ADAM23: variants seen among roughly 807,000 people sequenced by gnomAD.
ADAM23 encodes disintegrin and metalloproteinase domain-containing protein 23.
A neutral mutation model predicts 120.1 loss-of-function variants in ADAM23; 33 were observed. The ratio of observed to expected loss-of-function variants is 0.27; its 90% confidence interval spans 0.21 to 0.37. ADAM23 has a LOEUF of 0.37. Among genes scored for constraint, ADAM23 ranks in the 10% least tolerant of loss-of-function variants. ADAM23 has a pLI of 1.00. For synonymous variants in ADAM23, 367 were observed against 375.2 expected (o/e 0.98, Z 0.25); for missense variants, 862 against 1,058.2 (o/e 0.81, Z 2.57).
At chr2:206,444,748 G>A (rs1485724868) in intron 1 of ADAM23, among the ~76,000 whole-genome samples, 1 of 152,198 alleles carries the variant, frequency 6.6e-6, no homozygotes. Context: ...ATCCCTACAT[G>A]GCAAAGTATG....
intron 25 of ADAM23, 65 bp from the exon 26 acceptor site, chr2:206,617,514 A>G (rs1698956708): frequency 4.6e-6 from 7 of 1,509,026 alleles, no homozygotes; most frequent in Non-Finnish European, 6.3e-6. Context: ...TTCTGTCATC[A>G]TCATCTGATT....
intron 3 of ADAM23, among the ~76,000 whole-genome samples, chr2:206,515,399 T>G (rs1260642791): frequency 6.6e-6 from 1 of 152,124 alleles, no homozygotes; most frequent in African/African-American, 2.4e-5. Context: ...GAAACCAGCT[T>G]TGTTGTGGTG....
At chr2:206,567,462 A>G (rs1333305804) in intron 15 of ADAM23, 140 bp downstream of exon 15, 1 of 583,764 alleles carries the variant, frequency 1.7e-6, no homozygotes, top group Non-Finnish European at 2.8e-6. Context: ...AAAAGTCCTT[A>G]TCATGTTAAA....
chr2:206,546,912 A>G (rs531872903), intron 6 of ADAM23, among the ~76,000 whole-genome samples: 1 of 152,210 alleles, frequency 6.6e-6, no homozygotes, highest in African/African-American at 2.4e-5. Flanking sequence ...CAAAAAATGT[A>G]AATGTTTTCA....
At chr2:206,473,066 GT>G (rs368639380) in intron 2 of ADAM23, among the ~76,000 whole-genome samples, 41 of 152,192 alleles carry the variant, frequency 2.7e-4, no homozygotes, top group South Asian at 2.1e-4. Context: ...GGGCATGTAT[GT>G]TTCCCCCCTA....
chr2:206,485,015 A>G (rs1471873379), intron 3 of ADAM23, among the ~76,000 whole-genome samples: 2 of 152,198 alleles, frequency 1.3e-5, no homozygotes, highest in East Asian at 1.9e-4. Context: ...ATATGGAACT[A>G]TGAGTCCATT....
At chr2:206,467,465 C>A (rs961682778) in intron 2 of ADAM23, among the ~76,000 whole-genome samples, 1 of 152,204 alleles carries the variant, frequency 6.6e-6, no homozygotes, top group Non-Finnish European at 1.5e-5. Flanking sequence ...CTTAAAGTTA[C>A]AAAATAATCT....
chr2:206,532,470 A>T (rs1233000251), intron 4 of ADAM23, among the ~76,000 whole-genome samples: 2 of 152,200 alleles, frequency 1.3e-5, no homozygotes, highest in Non-Finnish European at 2.9e-5. Context: ...CAACTCTAGC[A>T]AAAGAAATTG....
At chr2:206,473,110 A>G (rs950102666) in intron 2 of ADAM23, among the ~76,000 whole-genome samples, 1 of 152,126 alleles carries the variant, frequency 6.6e-6, no homozygotes, top group Non-Finnish European at 1.5e-5. Flanking sequence ...TTATTTTATG[A>G]TAAACTGTCA....
At position 206,484,493 on chromosome 2, in the gene ADAM23, A is replaced by C. The variant is rs573618823; in HGVS notation, c.509+3185A>C. Among the ~76,000 whole-genome samples the C allele has an allele frequency of 2.6e-5, 4 of 152,318 alleles. 1 individual carries two copies. The South Asian group carries it at 8.3e-4, about 32-fold the overall frequency. On this transcript the variant is annotated intron_variant, in intron 3 of 25. Transcript: ENST00000264377. ...ACTGCAGAGTGTGAATGAAGGAGGC[A>C]GACTGTAGTGTGGACCCAGGGCTCA...
chr2:206,444,048 G>T lies in ADAM23; in HGVS notation c.182G>T (p.Arg61Leu). The change falls in exon 1 of 26, where the codon CGG becomes CTG. Residue 61 changes from arginine to leucine, a missense_variant. Arg to Leu is a moderately radical substitution (Grantham distance 102, BLOSUM62 -2). Transcript: ENST00000264377. ...LLLPPLAASS[R>L]PRAWGAAAPS... Reference sequence around the variant, plus strand: ...CTGCCTCCGCTCGCCGCCTCGTCCCGGCCCCGCGCCTGGGGGGCTGCTGCG... The same window carrying T: ...CTGCCTCCGCTCGCCGCCTCGTCCCTGCCCCGCGCCTGGGGGGCTGCTGCG... 1 of 1,400,216 alleles carries T rather than the reference G, an allele frequency of 7.1e-7. No homozygotes were observed. Among genetic ancestry groups the T allele is most frequent in the Non-Finnish European group, 9.3e-7 (1 of 1,074,006 alleles). 86.7% of individuals were successfully genotyped at this position (1,400,216 alleles called of 1,614,324 possible). A position where few individuals can be genotyped will look rare whatever the true frequency, so the allele number is the denominator to read the frequency against.
rs1698962788 is a variant in ADAM23 at position 206,617,769 on chromosome 2, G to A, written c.*142G>A. ...ACGGAGCTAAAGTTGGGGTGACAAGGATGGGGTAAAAGAAAACTGTCTCTT... is the reference window on the plus strand; with the variant it reads ...ACGGAGCTAAAGTTGGGGTGACAAGAATGGGGTAAAAGAAAACTGTCTCTT... On this transcript the variant is annotated 3_prime_UTR_variant, in exon 26 of 26. Transcript: ENST00000264377. 2 of 1,473,092 alleles carry A rather than the reference G, an allele frequency of 1.4e-6. No homozygotes were observed. Among genetic ancestry groups the A allele is most frequent in the Non-Finnish European group, 1.8e-6 (2 of 1,110,092 alleles). The allele number at this position is 1,473,092 out of a possible 1,614,324, so 91.3% of individuals were successfully genotyped here. A position where few individuals can be genotyped will look rare whatever the true frequency, so the allele number is the denominator to read the frequency against.
chr2:206,557,755 G>A (rs1697675752), intron 10 of ADAM23, among the ~76,000 whole-genome samples: 1 of 152,090 alleles, frequency 6.6e-6, no homozygotes, highest in East Asian at 1.9e-4. Flanking sequence ...CCCAGTCTGT[G>A]GAGGACAAAA....
intron 12 of ADAM23, among the ~76,000 whole-genome samples, chr2:206,561,986 G>C (rs1697777435): frequency 6.6e-6 from 1 of 152,158 alleles, no homozygotes; most frequent in South Asian, 2.1e-4. Flanking sequence ...TTCAATGTGA[G>C]AGCTTCAAAT....
intron 15 of ADAM23, among the ~76,000 whole-genome samples, chr2:206,569,005 T>C (rs898965296): frequency 6.6e-6 from 1 of 152,332 alleles, no homozygotes. Flanking sequence ...TTGCCTGCCT[T>C]TCATAACGTT....
At chr2:206,445,200 A>C (rs2105844690) in intron 1 of ADAM23, 107 bp from the exon 2 acceptor site, 1 of 799,838 alleles carries the variant, frequency 1.3e-6, no homozygotes, top group East Asian at 2.7e-5. Context: ...TTTGTGTTTG[A>C]AATTAAAGGA....
rs1426757486 is a variant in ADAM23, at chr2:206,589,522, G to GT, written c.1958+9dup. The GT allele has an allele frequency of 6.2e-7, 1 of 1,611,750 alleles. No homozygotes were observed. Among genetic ancestry groups the GT allele is most frequent in the African/African-American group, 1.3e-5 (1 of 74,900 alleles). On this transcript the variant is annotated intron_variant, in intron 21 of 25. Transcript: ENST00000264377. ...GATTCAGTGCAGCAAACAGTGAGTG[G>GT]TCAGCTCTAAGGGCATAGTCACTGG...
intron 2 of ADAM23, among the ~76,000 whole-genome samples, chr2:206,461,019 C>T (rs1695406090): frequency 6.6e-6 from 1 of 151,142 alleles, no homozygotes; most frequent in African/African-American, 2.4e-5. Flanking sequence ...TGAATGTTTT[C>T]CCATTTGTTT....
intron 2 of ADAM23, among the ~76,000 whole-genome samples, chr2:206,472,958 G>C (rs1439063732): frequency 6.6e-6 from 1 of 152,166 alleles, no homozygotes; most frequent in African/African-American, 2.4e-5. Context: ...TCTTGTTTCT[G>C]TAATAGCCTT....
Sources: gnomAD v4.1 joint callset for allele counts (sites outside exome capture counted in the v4.1 genomes callset) on GRCh38, gnomAD v4.1.1 for gene constraint, MANE v1.5 for transcripts, NCBI Gene and HGNC (gene_info 2026-07-23, HGNC 2026-07-21) for gene names.